The following TRAPPC8 variants were observed in gnomAD, a reference collection of about 807,000 sequenced individuals.
TRAPPC8 encodes general sporulation gene 1 homolog.
TRAPPC8 carries 54 observed loss-of-function variants against 174.3 expected under a neutral mutation model. The ratio of observed to expected loss-of-function variants is 0.31; its 90% CI spans 0.25 to 0.39. TRAPPC8 has a LOEUF of 0.39. TRAPPC8 is among the 10% of genes least tolerant of loss of function. The pLI is 1.00. For missense variants in TRAPPC8, 1,531 were observed against 1,699.1 expected (o/e 0.90, Z 1.74); for synonymous variants, 630 against 579.9 (o/e 1.09, Z -1.24).
intron 24 of TRAPPC8, among the ~76,000 whole-genome samples, chr18:31,850,777 A>C (rs1215768176): frequency 6.6e-6 from 1 of 152,208 alleles, no homozygotes; most frequent in Non-Finnish European, 1.5e-5. Flanking sequence ...AACCAGGTTC[A>C]TCAAAATGAA....
rs1486032535 is a variant in TRAPPC8, at chr18:31,914,861, A to G, written c.618-1339T>C. On this transcript the variant is annotated intron_variant, in intron 4 of 28. Transcript: ENST00000283351. ...ATTCACATATCCCAAATACAAAAGG[A>G]CTACTGCAAACAACAAATCATGAAT... Among the ~76,000 whole-genome samples the G allele has an allele frequency of 3.3e-5, 5 of 152,328 alleles. No individual in the cohort carries two copies. In the East Asian group the frequency reaches 9.6e-4, roughly 29 times the overall value.
intron 12 of TRAPPC8, among the ~76,000 whole-genome samples, chr18:31,880,090 A>AAAAAATATATATATAT (rs1259899654): frequency 1.2e-5 from 1 of 85,356 alleles, no homozygotes; most frequent in African/African-American, 5.2e-5. Flanking sequence ...TGAAAAAAAA[A>AAAAAATATATATATAT]ATATATATAT....
chr18:31,907,206 C>T (rs954532344), intron 9 of TRAPPC8, among the ~76,000 whole-genome samples: 4 of 152,006 alleles, frequency 2.6e-5, no homozygotes, highest in African/African-American at 4.8e-5. Context: ...TGGTCTCAAA[C>T]GCTTGGGCTC....
intron 13 of TRAPPC8, chr18:31,873,886 C>T (rs2035013520): frequency 5.1e-6 from 1 of 194,468 alleles, no homozygotes; most frequent in Non-Finnish European, 1.0e-5. Context: ...AGTCTAGACC[C>T]TAAAGGTAGT....
intron 12 of TRAPPC8, among the ~76,000 whole-genome samples, chr18:31,875,321 A>G (rs2035088811): frequency 6.7e-6 from 1 of 149,030 alleles, no homozygotes; most frequent in Non-Finnish European, 1.5e-5. Flanking sequence ...AATATATAAT[A>G]ATATATATAG....
At chr18:31,831,387 T>C (rs1036446743) in intron 28 of TRAPPC8, among the ~76,000 whole-genome samples, 3 of 152,192 alleles carry the variant, frequency 2.0e-5, no homozygotes, top group African/African-American at 4.8e-5. Flanking sequence ...AACAATTCTA[T>C]TTCTAAAAAT....
chr18:31,875,988 TAGAC>T (rs879887193), intron 12 of TRAPPC8, among the ~76,000 whole-genome samples: 1 of 152,118 alleles, frequency 6.6e-6, no homozygotes, highest in African/African-American at 2.4e-5. Flanking sequence ...GACCTAGCGT[TAGAC>T]AGATCAGCAG....
chr18:31,898,475 G>A (rs999156070), intron 10 of TRAPPC8, among the ~76,000 whole-genome samples: 1 of 152,172 alleles, frequency 6.6e-6, no homozygotes, highest in Non-Finnish European at 1.5e-5. Flanking sequence ...GCTAGAACTG[G>A]TTCCAGAACC....
intron 5 of TRAPPC8, 52 bp from the exon 6 acceptor site, chr18:31,909,812 A>G: frequency 8.2e-7 from 1 of 1,220,112 alleles, no homozygotes; most frequent in Non-Finnish European, 1.1e-6. Flanking sequence ...ATCATACTTA[A>G]TATACTATCA....
At chr18:31,853,796 A>C in intron 22 of TRAPPC8, 53 bp downstream of exon 22, 1 of 1,357,692 alleles carries the variant, frequency 7.4e-7, no homozygotes, top group Non-Finnish European at 1.0e-6. Flanking sequence ...TATTCTGGAA[A>C]ACCAAGTAAT....
intron 9 of TRAPPC8, among the ~76,000 whole-genome samples, chr18:31,904,236 CAAA>C (rs113613252): frequency 9.8e-5 from 9 of 92,156 alleles, no homozygotes; most frequent in Admixed American, 1.2e-4. Flanking sequence ...ACCTTGCCTC[CAAA>C]AAAAAAAAAA....
chr18:31,928,871 C>A (rs753770289), intron 2 of TRAPPC8, among the ~76,000 whole-genome samples: 1 of 152,076 alleles, frequency 6.6e-6, no homozygotes, highest in Non-Finnish European at 1.5e-5. Context: ...TAAAGGTCTA[C>A]GAGAGGCCTT....
intron 1 of TRAPPC8, among the ~76,000 whole-genome samples, chr18:31,932,531 A>T (rs910250336): frequency 6.6e-6 from 1 of 152,178 alleles, no homozygotes; most frequent in African/African-American, 2.4e-5. Flanking sequence ...GTTTCAGCCT[A>T]TACAATTTAT....
intron 12 of TRAPPC8, among the ~76,000 whole-genome samples, chr18:31,882,486 G>GA (rs1437600121): frequency 1.3e-5 from 2 of 152,012 alleles, no homozygotes. Flanking sequence ...AGTGAGGGTT[G>GA]AAAAACAACC....
intron 11 of TRAPPC8, among the ~76,000 whole-genome samples, chr18:31,894,027 C>A (rs556175710): frequency 1.3e-3 from 199 of 152,192 alleles, no homozygotes; most frequent in African/African-American, 4.6e-3. Context: ...AATGAGAAAC[C>A]CTTAGCATTC....
chr18:31,837,340 A>T (rs997941105), intron 27 of TRAPPC8, among the ~76,000 whole-genome samples: 9 of 151,940 alleles, frequency 5.9e-5, no homozygotes, highest in Non-Finnish European at 8.8e-5. Flanking sequence ...AAAAAAGGCA[A>T]GCACATATGT....
chr18:31,874,396 T>C (rs1263700936), intron 13 of TRAPPC8, 84 bp downstream of exon 13: 1 of 1,349,424 alleles, frequency 7.4e-7, no homozygotes, highest in African/African-American at 1.5e-5. Context: ...CTAATAAAAC[T>C]ATCGTAAGAT....
intron 1 of TRAPPC8, among the ~76,000 whole-genome samples, chr18:31,935,474 G>T (rs1254898393): frequency 6.8e-6 from 1 of 147,922 alleles, no homozygotes; most frequent in African/African-American, 2.5e-5. Context: ...CTTGAACCTG[G>T]GAGGTGGAGG....
chr18:31,937,157 T>C (rs911159832), intron 1 of TRAPPC8, among the ~76,000 whole-genome samples: 6 of 151,978 alleles, frequency 3.9e-5, no homozygotes, highest in Non-Finnish European at 8.8e-5. Context: ...GAGCTTGCAG[T>C]GAGCTGAGAC....
Sources: allele counts gnomAD v4.1 joint callset (sites outside exome capture counted in the v4.1 genomes callset), GRCh38; gene constraint gnomAD v4.1.1; transcripts MANE v1.5; gene names NCBI Gene and HGNC (gene_info 2026-07-23, HGNC 2026-07-21).